Variants in KCNN2 observed in about 807,000 individuals in gnomAD.
The protein encoded by KCNN2 is small conductance calcium-activated potassium channel protein 2.
A neutral mutation model predicts 55.5 loss-of-function variants in KCNN2; 24 were observed. That is an observed-to-expected ratio of 0.43 (90% CI 0.31 to 0.61). KCNN2 has a LOEUF of 0.61. Ranked by LOEUF, KCNN2 falls within the 20% of genes least tolerant of loss-of-function variation. The pLI, the probability that KCNN2 is intolerant of heterozygous loss-of-function variation, is 0.08. For synonymous variants in KCNN2, 431 were observed against 336.1 expected (o/e 1.28, Z -3.09); for missense variants, 754 against 853.6 (o/e 0.88, Z 1.45).
intron 4 of KCNN2, among the ~76,000 whole-genome samples, chr5:114,471,312 T>G (rs953154801): frequency 2.2e-5 from 2 of 92,720 alleles, no homozygotes; most frequent in African/African-American, 6.7e-5. Context: ...TACTTTAATC[T>G]CTAGATTACT....
intron 1 of KCNN2, among the ~76,000 whole-genome samples, chr5:114,164,734 C>T (rs900799715): frequency 9.2e-5 from 14 of 152,004 alleles, no homozygotes; most frequent in Non-Finnish European, 1.3e-4. Context: ...AGTAATGTGA[C>T]GATCCTATAA....
chr5:114,333,517 C>G (rs1295770425), intron 2 of KCNN2, among the ~76,000 whole-genome samples: 1 of 151,666 alleles, frequency 6.6e-6, no homozygotes, highest in African/African-American at 2.4e-5. Context: ...GACTGGCTTC[C>G]AATATTTTCT....
chr5:114,384,572 C>G (rs1008122729), intron 2 of KCNN2, among the ~76,000 whole-genome samples: 1 of 152,186 alleles, frequency 6.6e-6, no homozygotes, highest in African/African-American at 2.4e-5. Flanking sequence ...TTTTCTTTGA[C>G]ATACTTCTCT....
intron 3 of KCNN2, among the ~76,000 whole-genome samples, chr5:114,441,543 A>G (rs1393947243): frequency 6.6e-6 from 1 of 152,206 alleles, no homozygotes; most frequent in Non-Finnish European, 1.5e-5. Context: ...AACTAAAAAC[A>G]TACTGTTAGT....
intron 1 of KCNN2, among the ~76,000 whole-genome samples, chr5:114,132,370 C>G (rs1752088550): frequency 6.6e-6 from 1 of 152,228 alleles, no homozygotes; most frequent in Non-Finnish European, 1.5e-5. Flanking sequence ...TCTCCCAGCT[C>G]CATTTATGAA....
At chr5:114,186,415 T>C (rs1753336317) in intron 1 of KCNN2, among the ~76,000 whole-genome samples, 1 of 152,142 alleles carries the variant, frequency 6.6e-6, no homozygotes, top group African/African-American at 2.4e-5. Context: ...GAGGTGCCAT[T>C]TTCTGGTCAA....
At chr5:114,139,514 T>C (rs561812932) in intron 1 of KCNN2, among the ~76,000 whole-genome samples, 1 of 148,808 alleles carries the variant, frequency 6.7e-6, no homozygotes, top group East Asian at 2.0e-4. Flanking sequence ...TCACATATCA[T>C]TTCTTAAAAC....
In KCNN2 at chr5:114,338,333, G is replaced by C. The variant is rs1756957195; in HGVS notation, c.-184-22612G>C. ...ACTGATTTCTTCTAAATATGTACAC[G>C]TATGTAGGGACAAATAAATAGAATA... On this transcript the variant is annotated intron_variant, in intron 2 of 10. Transcript: ENST00000512097. 2.6e-5 allele frequency among the ~76,000 whole-genome samples: 4 copies of C among 152,158 alleles called. No individual in the cohort carries two copies. In the South Asian group the frequency reaches 8.3e-4, roughly 32 times the overall value.
At chr5:114,185,220 T>C (rs75255825) in intron 1 of KCNN2, among the ~76,000 whole-genome samples, 19,445 of 152,282 alleles carry the variant, frequency 0.13, 1,743 homozygotes, top group East Asian at 0.54. Context: ...TGCCATTATC[T>C]AGATGTATAT....
chr5:114,202,902 TA>T (rs892166354), intron 1 of KCNN2, among the ~76,000 whole-genome samples: 4 of 152,104 alleles, frequency 2.6e-5, no homozygotes, highest in Non-Finnish European at 5.9e-5. Flanking sequence ...TGCCTAATAT[TA>T]AAGCACAAAT....
intron 2 of KCNN2, among the ~76,000 whole-genome samples, chr5:114,389,074 C>G (rs554195744): frequency 6.6e-6 from 1 of 151,676 alleles, no homozygotes; most frequent in Non-Finnish European, 1.5e-5. Flanking sequence ...GACCTTGTAT[C>G]TGCTTTTTAG....
intron 2 of KCNN2, among the ~76,000 whole-genome samples, chr5:114,228,704 T>C (rs903536455): frequency 6.6e-6 from 1 of 152,106 alleles, no homozygotes; most frequent in Admixed American, 6.5e-5. Context: ...TTCATGATTT[T>C]CAGATTATGA....
At chr5:114,334,260 A>ATGTGTGTGTG (rs56654295) in intron 2 of KCNN2, among the ~76,000 whole-genome samples, 1 of 138,210 alleles carries the variant, frequency 7.2e-6, no homozygotes, top group Non-Finnish European at 1.5e-5. Flanking sequence ...CATATGCCTG[A>ATGTGTGTGTG]TGTGTGTGTG....
At chr5:114,155,298 T>A (rs999997271) in intron 1 of KCNN2, among the ~76,000 whole-genome samples, 1 of 152,206 alleles carries the variant, frequency 6.6e-6, no homozygotes, top group African/African-American at 2.4e-5. Flanking sequence ...TTGATGGGCA[T>A]TTAGGTTGAT....
chr5:114,189,504 C>A (rs995093196), intron 1 of KCNN2, among the ~76,000 whole-genome samples: 28 of 152,134 alleles, frequency 1.8e-4, no homozygotes, highest in Non-Finnish European at 2.4e-4. Context: ...CACAGACATA[C>A]CCTGTCAAAC....
intron 2 of KCNN2, among the ~76,000 whole-genome samples, chr5:114,236,667 G>T (rs1004601482): frequency 1.3e-5 from 2 of 151,900 alleles, no homozygotes; most frequent in Non-Finnish European, 2.9e-5. Context: ...ATATCATCCC[G>T]ACTCCTGTGT....
Position 114,458,908 on chromosome 5 carries a change from G to A in KCNN2, c.1638-4141G>A, listed in dbSNP as rs551385016. Among the ~76,000 whole-genome samples, 3 of 152,316 alleles carry A rather than the reference G, an allele frequency of 2.0e-5. No homozygotes were observed. The East Asian group carries it at 5.8e-4, about 29-fold the overall frequency. On this transcript the variant is annotated intron_variant, in intron 3 of 7. Coordinates refer to ENST00000673685, the MANE Select transcript of KCNN2 (RefSeq NM_021614.4). ...ATCTGCAGAGAAAGAGAGCTGTGAAGGATAACAGCATACCTCCCAGCCATT... is the reference window on the plus strand; with the variant it reads ...ATCTGCAGAGAAAGAGAGCTGTGAAAGATAACAGCATACCTCCCAGCCATT...
At chr5:114,245,887 A>T (rs1208947885) in intron 2 of KCNN2, among the ~76,000 whole-genome samples, 1 of 152,204 alleles carries the variant, frequency 6.6e-6, no homozygotes, top group Non-Finnish European at 1.5e-5. Context: ...TGCTGCCTCT[A>T]CCTTATCACC....
chr5:114,077,830 A>G (rs1163571868), intron 1 of KCNN2, among the ~76,000 whole-genome samples: 1 of 152,152 alleles, frequency 6.6e-6, no homozygotes, highest in African/African-American at 2.4e-5. Flanking sequence ...GTGGCAGAGG[A>G]TCAGAGAAGG....
Sources: gnomAD v4.1 joint callset for allele counts (sites outside exome capture counted in the v4.1 genomes callset) on GRCh38, gnomAD v4.1.1 for gene constraint, MANE v1.5 for transcripts, NCBI Gene and HGNC (gene_info 2026-07-23, HGNC 2026-07-21) for gene names.